The following NWD2 variants were observed in gnomAD, a reference collection of about 807,000 sequenced individuals.
NWD2 encodes NACHT and WD repeat domain containing 2.
A neutral mutation model predicts 132.7 loss-of-function variants in NWD2; 37 were observed. The ratio of observed to expected loss-of-function variants is 0.28; its 90% CI spans 0.21 to 0.37. The LOEUF (loss-of-function observed/expected upper bound fraction) is 0.37. Ranked by LOEUF, NWD2 falls within the 10% of genes least tolerant of loss-of-function variation. The probability of loss-of-function intolerance (pLI) is 1.00; values close to 1 mark genes in which losing one functional copy is unlikely to be tolerated. For missense variants in NWD2, 1,592 were observed against 2,122.4 expected, an observed-to-expected ratio of 0.75 and a Z score of 4.91; for synonymous variants, 705 against 803.0, an observed-to-expected ratio of 0.88 and a Z score of 2.06.
At chr4:37,414,918 G>A (rs1711543527) in intron 3 of NWD2, among the ~76,000 whole-genome samples, 1 of 152,178 alleles carries the variant, frequency 6.6e-6, no homozygotes, top group African/African-American at 2.4e-5. Flanking sequence ...TTACAGATAA[G>A]GGAGCACACT....
chr4:37,315,052 G>T (rs550464939), intron 1 of NWD2, among the ~76,000 whole-genome samples: 1 of 152,204 alleles, frequency 6.6e-6, no homozygotes, highest in Non-Finnish European at 1.5e-5. Context: ...GAATATTAGT[G>T]TATTAGAAGT....
At chr4:37,409,939 TAC>T (rs1329887311) in intron 3 of NWD2, among the ~76,000 whole-genome samples, 2 of 152,158 alleles carry the variant, frequency 1.3e-5, no homozygotes, top group Non-Finnish European at 2.9e-5. Context: ...TAAAATCCTT[TAC>T]ACACAAGCAA....
chr4:37,251,074 T>C (rs1272759578), intron 1 of NWD2, among the ~76,000 whole-genome samples: 6 of 152,182 alleles, frequency 3.9e-5, no homozygotes, highest in African/African-American at 1.4e-4. Context: ...AGGTCAGGAA[T>C]TCGAGACCAG....
At chr4:37,390,344 T>C (rs1434312069) in intron 3 of NWD2, among the ~76,000 whole-genome samples, 1 of 152,144 alleles carries the variant, frequency 6.6e-6, no homozygotes, top group Non-Finnish European at 1.5e-5. Context: ...GACGGCTACA[T>C]TTCATAAAAT....
chr4:37,369,287 A>G (rs1023032961), intron 3 of NWD2, among the ~76,000 whole-genome samples: 1 of 152,106 alleles, frequency 6.6e-6, no homozygotes, highest in African/African-American at 2.4e-5. Context: ...TTTTTAATGA[A>G]TTTAAGGTAT....
intron 3 of NWD2, among the ~76,000 whole-genome samples, chr4:37,378,982 A>C (rs1359859005): frequency 6.6e-6 from 1 of 152,230 alleles, no homozygotes; most frequent in Non-Finnish European, 1.5e-5. Flanking sequence ...TTACAATTGC[A>C]GTTCACATTT....
intron 1 of NWD2, among the ~76,000 whole-genome samples, chr4:37,259,589 A>G (rs1357408509): frequency 1.3e-5 from 2 of 152,194 alleles, no homozygotes; most frequent in East Asian, 1.9e-4. Flanking sequence ...TGTTGCTGCC[A>G]GTAGATGTAA....
At chr4:37,394,358 T>C (rs1442319736) in intron 3 of NWD2, among the ~76,000 whole-genome samples, 3 of 152,276 alleles carry the variant, frequency 2.0e-5, no homozygotes, top group Non-Finnish European at 4.4e-5. Flanking sequence ...CATGCCAGGA[T>C]GGCTCAGAGC....
chr4:37,329,799 G>A (rs1172987455), intron 2 of NWD2, among the ~76,000 whole-genome samples: 2 of 152,194 alleles, frequency 1.3e-5, no homozygotes, highest in Non-Finnish European at 2.9e-5. Flanking sequence ...GGTTCTATGA[G>A]TAGAATACAA....
At chr4:37,318,067 C>T (rs1158862832) in intron 1 of NWD2, among the ~76,000 whole-genome samples, 1 of 149,122 alleles carries the variant, frequency 6.7e-6, no homozygotes, top group African/African-American at 2.5e-5. Context: ...TGTCTGTCAC[C>T]CAACCTGTAG....
intron 3 of NWD2, among the ~76,000 whole-genome samples, chr4:37,405,999 G>A (rs1206259476): frequency 3.3e-5 from 5 of 152,094 alleles, no homozygotes; most frequent in Non-Finnish European, 7.4e-5. Flanking sequence ...TAAATAAGTG[G>A]TTTCTAAACT....
chr4:37,268,088 A>C (rs564517419), intron 1 of NWD2, among the ~76,000 whole-genome samples: 1 of 151,914 alleles, frequency 6.6e-6, no homozygotes, highest in Non-Finnish European at 1.5e-5. Context: ...TCAGCCCAGA[A>C]ACATCAAACT....
At chr4:37,343,250 A>T (rs1339003545) in intron 2 of NWD2, among the ~76,000 whole-genome samples, 4 of 152,218 alleles carry the variant, frequency 2.6e-5, no homozygotes, top group African/African-American at 9.6e-5. Context: ...ACAAATTATA[A>T]TGAGTGCTAT....
At chr4:37,424,261 A>T (rs1177865436) in intron 3 of NWD2, among the ~76,000 whole-genome samples, 1 of 152,198 alleles carries the variant, frequency 6.6e-6, no homozygotes, top group Non-Finnish European at 1.5e-5. Context: ...TATCACAATC[A>T]AATGAGCTAC....
At chr4:37,274,452 CA>C (rs956475166) in intron 1 of NWD2, among the ~76,000 whole-genome samples, 106 of 151,988 alleles carry the variant, frequency 7.0e-4, no homozygotes, top group African/African-American at 2.5e-3. Context: ...GCTTACCAAC[CA>C]AAAAAAGTCC....
chr4:37,443,253 T>C lies in NWD2; in HGVS notation c.1297-32T>C. ...TCACATATGACCATGTGAATACATA[T>C]TACCATTCTAAACTCCACTTTTGTG... On this transcript the variant is annotated intron_variant, in intron 6 of 6. Coordinates refer to ENST00000309447, the MANE Select transcript of NWD2 (RefSeq NM_001144990.2). The surrounding 1 kb of genome is among the most constrained non-coding windows in gnomAD (Gnocchi z 4.1). 2.0e-6 allele frequency: 3 copies of C among 1,509,442 alleles called. No homozygotes were observed. The highest frequency in any genetic ancestry group is 2.7e-6 in the Non-Finnish European group (3 of 1,114,070). 93.5% of individuals were successfully genotyped at this position (1,509,442 alleles called of 1,614,324 possible). A position where few individuals can be genotyped will look rare whatever the true frequency, so the allele number is the denominator to read the frequency against.
At chr4:37,256,670 G>A (rs368412926) in intron 1 of NWD2, among the ~76,000 whole-genome samples, 1 of 152,184 alleles carries the variant, frequency 6.6e-6, no homozygotes, top group African/African-American at 2.4e-5. Context: ...ATTCCTTTAC[G>A]AGCCCATTTG....
At chr4:37,403,382 T>A (rs1197570447) in intron 3 of NWD2, among the ~76,000 whole-genome samples, 2 of 152,142 alleles carry the variant, frequency 1.3e-5, no homozygotes, top group Non-Finnish European at 2.9e-5. Context: ...CAGGTGAACA[T>A]GAAGGGTCCA....
intron 3 of NWD2, among the ~76,000 whole-genome samples, chr4:37,399,632 A>C (rs1720864044): frequency 6.6e-6 from 1 of 152,158 alleles, no homozygotes; most frequent in Non-Finnish European, 1.5e-5. Context: ...GTTGATGTGA[A>C]GTGACCTCTG....
Sources: allele counts gnomAD v4.1 joint callset (sites outside exome capture counted in the v4.1 genomes callset), GRCh38; gene constraint gnomAD v4.1.1; non-coding constraint Gnocchi (gnomAD v3.1); transcripts MANE v1.5; gene names NCBI Gene and HGNC (gene_info 2026-07-23, HGNC 2026-07-21).